Variants in SMAP1 observed in about 807,000 individuals in gnomAD.
The protein encoded by SMAP1 is stromal membrane-associated protein 1.
In SMAP1, 24 loss-of-function variants were observed where a neutral mutation model predicts 58.5. The observed-to-expected ratio is 0.41, with a 90% CI of 0.30 to 0.58. The LOEUF (loss-of-function observed/expected upper bound fraction) is 0.58. Among genes scored for constraint, SMAP1 ranks in the 20% least tolerant of loss-of-function variants. The pLI, the probability that SMAP1 is intolerant of heterozygous loss-of-function variation, is 0.29. For synonymous variants in SMAP1, 216 were observed against 196.6 expected, an observed-to-expected ratio of 1.10 and a Z score of -0.82; for missense variants, 563 against 566.3, an observed-to-expected ratio of 0.99 and a Z score of 0.06.
chr6:70,788,306 G>T (rs1273202094), intron 4 of SMAP1, among the ~76,000 whole-genome samples: 3 of 115,174 alleles, frequency 2.6e-5, no homozygotes, highest in African/African-American at 3.3e-5. Context: ...GTTGTGGGGT[G>T]GGGGGAGGGG....
chr6:70,732,771 G>A (rs150989750), intron 2 of SMAP1, among the ~76,000 whole-genome samples: 2,799 of 151,954 alleles, frequency 0.018, 40 homozygotes, highest in Middle Eastern at 0.041. Flanking sequence ...TTCTCTTGTT[G>A]ATAAAATTTG....
intron 2 of SMAP1, among the ~76,000 whole-genome samples, chr6:70,742,172 A>G (rs575521877): frequency 1.3e-5 from 2 of 152,352 alleles, no homozygotes; most frequent in Middle Eastern, 3.4e-3. Context: ...GATTTCTGCA[A>G]CCGGGTTGAA....
chr6:70,676,202 C>T (rs1046176043), intron 1 of SMAP1, among the ~76,000 whole-genome samples: 7 of 152,148 alleles, frequency 4.6e-5, no homozygotes, highest in African/African-American at 7.2e-5. Flanking sequence ...TAAATCATAA[C>T]GATGAGTACA....
chr6:70,781,046 C>G (rs1017349236), intron 4 of SMAP1, among the ~76,000 whole-genome samples: 1 of 152,128 alleles, frequency 6.6e-6, no homozygotes, highest in Non-Finnish European at 1.5e-5. Flanking sequence ...AATGAATACT[C>G]AAACTTAATT....
chr6:70,720,868 C>G (rs140735842), intron 1 of SMAP1, among the ~76,000 whole-genome samples: 1 of 151,974 alleles, frequency 6.6e-6, no homozygotes, highest in Non-Finnish European at 1.5e-5. Flanking sequence ...CCTGGGCCTC[C>G]GCACCTGTGA....
At chr6:70,821,106 A>G (rs1392767467) in intron 6 of SMAP1, among the ~76,000 whole-genome samples, 1 of 141,698 alleles carries the variant, frequency 7.1e-6, no homozygotes, top group African/African-American at 2.6e-5. Context: ...TCCTGTTTTT[A>G]AAGAGAAAAA....
intron 6 of SMAP1, among the ~76,000 whole-genome samples, chr6:70,806,573 C>G (rs543991625): frequency 1.3e-5 from 2 of 152,236 alleles, no homozygotes; most frequent in African/African-American, 4.8e-5. Context: ...CAGAAATCAC[C>G]CATCTTCTGC....
chr6:70,772,478 T>C (rs1223626798), intron 3 of SMAP1, among the ~76,000 whole-genome samples: 1 of 152,140 alleles, frequency 6.6e-6, no homozygotes, highest in Non-Finnish European at 1.5e-5. Flanking sequence ...TTGAAAATAA[T>C]TATCAGAAAG....
chr6:70,791,809 A>ATTTACCATTTAACACT, intron 5 of SMAP1, 40 bp downstream of exon 5: 1 of 1,542,758 alleles, frequency 6.5e-7, no homozygotes, highest in Non-Finnish European at 8.9e-7. Context: ...TGTAGTGTTA[A>ATTTACCATTTAACACT]ATGGTAAATT....
intron 4 of SMAP1, among the ~76,000 whole-genome samples, chr6:70,777,918 A>G (rs1032757252): frequency 6.6e-6 from 1 of 151,858 alleles, no homozygotes; most frequent in African/African-American, 2.4e-5. Flanking sequence ...ATGCCTGGCT[A>G]ACTTTGTATT....
chr6:70,791,619 C>A, intron 4 of SMAP1, 70 bp from the exon 5 acceptor site: 1 of 1,308,614 alleles, frequency 7.6e-7, no homozygotes, highest in Non-Finnish European at 1.1e-6. Flanking sequence ...TTTTTTCTTT[C>A]CTGTGCCTGT....
intron 7 of SMAP1, among the ~76,000 whole-genome samples, chr6:70,846,656 T>G (rs1305824948): frequency 1.3e-5 from 2 of 152,086 alleles, no homozygotes; most frequent in Non-Finnish European, 2.9e-5. Flanking sequence ...TCAGGAGTCA[T>G]CCTGTGCCTC....
At chr6:70,745,694 T>C (rs1051390009) in intron 2 of SMAP1, among the ~76,000 whole-genome samples, 7 of 152,234 alleles carry the variant, frequency 4.6e-5, no homozygotes, top group African/African-American at 1.7e-4. Flanking sequence ...AAAGTAGTTT[T>C]TTCCAATTCT....
chr6:70,742,832 T>C (rs962071880), intron 2 of SMAP1, among the ~76,000 whole-genome samples: 2 of 152,134 alleles, frequency 1.3e-5, no homozygotes, highest in Non-Finnish European at 2.9e-5. Context: ...GAAAGGCACG[T>C]CTCACATGGC....
At chr6:70,738,093 C>T (rs1472245427) in intron 2 of SMAP1, among the ~76,000 whole-genome samples, 1 of 152,156 alleles carries the variant, frequency 6.6e-6, no homozygotes, top group Non-Finnish European at 1.5e-5. Context: ...GGACAACCAC[C>T]TGGAATCGTG....
intron 10 of SMAP1, 97 bp from the exon 11 acceptor site, chr6:70,860,103 G>A: frequency 7.2e-7 from 1 of 1,383,084 alleles, no homozygotes; most frequent in Non-Finnish European, 9.7e-7. Flanking sequence ...TGGACTAGTT[G>A]TCACATTAAT....
intron 6 of SMAP1, among the ~76,000 whole-genome samples, chr6:70,817,036 C>G (rs1769661254): frequency 6.6e-6 from 1 of 151,614 alleles, no homozygotes; most frequent in Non-Finnish European, 1.5e-5. Flanking sequence ...CCATCTCTTC[C>G]CACTTCCAAT....
intron 3 of SMAP1, among the ~76,000 whole-genome samples, chr6:70,764,809 T>C (rs1057006405): frequency 2.4e-4 from 36 of 152,312 alleles, no homozygotes; most frequent in African/African-American, 8.4e-4. Flanking sequence ...AAGTGTTTTT[T>C]CTTTTTTTTT....
intron 7 of SMAP1, among the ~76,000 whole-genome samples, chr6:70,839,856 C>T (rs571446146): frequency 1.2e-4 from 19 of 152,160 alleles, no homozygotes; most frequent in Middle Eastern, 3.4e-3. Flanking sequence ...AGCATAAAAT[C>T]GATGAATTCA....
Sources: allele counts gnomAD v4.1 joint callset (sites outside exome capture counted in the v4.1 genomes callset), GRCh38; gene constraint gnomAD v4.1.1; transcripts MANE v1.5; gene names NCBI Gene and HGNC (gene_info 2026-07-23, HGNC 2026-07-21).